SEPTIN7: variants seen among roughly 807,000 people sequenced by gnomAD.
The protein encoded by SEPTIN7 is septin 7, also known as septin-7.
SEPTIN7 carries 10 observed loss-of-function variants against 63.3 expected under a neutral mutation model. The observed-to-expected ratio is 0.16, with a 90% confidence interval of 0.10 to 0.27. The LOEUF is 0.27. Ranked by LOEUF, SEPTIN7 falls within the 10% of genes least tolerant of loss-of-function variation. The pLI is 1.00. For missense variants in SEPTIN7, 310 were observed against 521.0 expected, an observed-to-expected ratio of 0.59 and a Z score of 3.94; for synonymous variants, 131 against 165.3, an observed-to-expected ratio of 0.79 and a Z score of 1.59.
intron 3 of SEPTIN7, among the ~76,000 whole-genome samples, chr7:35,835,369 T>C (rs753740210): frequency 3.9e-5 from 6 of 152,202 alleles, no homozygotes; most frequent in Admixed American, 1.3e-4. Flanking sequence ...AGGTAATGTT[T>C]TCAGTACTTT....
intron 1 of SEPTIN7, among the ~76,000 whole-genome samples, chr7:35,811,463 A>C (rs186709452): frequency 2.1e-4 from 32 of 152,346 alleles, no homozygotes; most frequent in African/African-American, 7.2e-4. Context: ...CTTTCTAAAT[A>C]TATAGGTTGT....
intron 1 of SEPTIN7, among the ~76,000 whole-genome samples, chr7:35,814,651 C>G (rs1386066561): frequency 6.6e-6 from 1 of 152,094 alleles, no homozygotes; most frequent in African/African-American, 2.4e-5. Flanking sequence ...ACATGATTTT[C>G]TGTTTACATG....
intron 1 of SEPTIN7, among the ~76,000 whole-genome samples, chr7:35,809,884 T>C (rs1237281405): frequency 6.6e-6 from 1 of 152,148 alleles, no homozygotes; most frequent in Non-Finnish European, 1.5e-5. Flanking sequence ...AGGAGTTTAA[T>C]GTAGCAGTTT....
At chr7:35,813,442 C>T (rs1298668855) in intron 1 of SEPTIN7, among the ~76,000 whole-genome samples, 6 of 152,022 alleles carry the variant, frequency 3.9e-5, no homozygotes, top group African/African-American at 1.2e-4. Context: ...GTTGCAACCT[C>T]CACCTCCTGG....
intron 12 of SEPTIN7, chr7:35,899,719 TA>T: frequency 6.6e-6 from 1 of 152,030 alleles, no homozygotes; most frequent in Non-Finnish European, 1.5e-5. Context: ...CCAATCCCTA[TA>T]AAAAATTTTT....
At chr7:35,829,340 C>T (rs1284205386) in intron 1 of SEPTIN7, among the ~76,000 whole-genome samples, 1 of 151,892 alleles carries the variant, frequency 6.6e-6, no homozygotes, top group Non-Finnish European at 1.5e-5. Flanking sequence ...CGGGGTTTCA[C>T]CATGTTGCCC....
chr7:35,876,333 A>C (rs1562568281), intron 6 of SEPTIN7, among the ~76,000 whole-genome samples: 2 of 152,190 alleles, frequency 1.3e-5, no homozygotes, highest in Admixed American at 6.5e-5. Flanking sequence ...GGATTAACTG[A>C]ACTCTGCTTT....
At chr7:35,863,296 A>T (rs1371082246) in intron 3 of SEPTIN7, among the ~76,000 whole-genome samples, 8 of 152,188 alleles carry the variant, frequency 5.3e-5, no homozygotes, top group Non-Finnish European at 2.9e-5. Flanking sequence ...AATGTAGATT[A>T]TTAGATACAT....
chr7:35,908,236 G>A (rs1307311598), downstream of SEPTIN7, among the ~76,000 whole-genome samples: 1 of 152,266 alleles, frequency 6.6e-6, no homozygotes, highest in South Asian at 2.1e-4. Flanking sequence ...CCCATAATTT[G>A]GGATTCATCC....
chr7:35,849,747 C>T (rs1000921853), intron 3 of SEPTIN7, among the ~76,000 whole-genome samples: 1 of 152,190 alleles, frequency 6.6e-6, no homozygotes, highest in Non-Finnish European at 1.5e-5. Flanking sequence ...CACCATTTGG[C>T]TTCTCTCCTT....
rs566168486 is a variant in SEPTIN7 at position 35,847,115 on chromosome 7, CACA to C, written c.169+14216_169+14218del. On this transcript the variant is annotated intron_variant, in intron 3 of 13. Coordinates refer to ENST00000350320, the MANE Select transcript of SEPTIN7 (RefSeq NM_001788.6). ...CACTTACGGGAGTCTGCAGCTGTGA[CACA>C]TAGAAGTTGGCCGTGTCCAGATTGG... 232 of 184,844 alleles carry C rather than the reference CACA, an allele frequency of 1.3e-3. 1 individual carries two copies. Among genetic ancestry groups the C allele is most frequent in the African/African-American group, 4.9e-3 (207 of 42,674 alleles). 11.5% of individuals were successfully genotyped at this position (184,844 alleles called of 1,614,324 possible).
At chr7:35,853,732 T>A (rs1043102728) in intron 3 of SEPTIN7, among the ~76,000 whole-genome samples, 1 of 152,244 alleles carries the variant, frequency 6.6e-6, no homozygotes, top group Admixed American at 6.5e-5. Context: ...TTAAGTGTTA[T>A]TGTTAATGAA....
chr7:35,887,356 G>A (rs1787323756), intron 10 of SEPTIN7, among the ~76,000 whole-genome samples: 1 of 152,156 alleles, frequency 6.6e-6, no homozygotes, highest in Admixed American at 6.5e-5. Context: ...CTGAGCCAGA[G>A]GCTACTTTGT....
chr7:35,869,739 T>G (rs1037930064), intron 4 of SEPTIN7, among the ~76,000 whole-genome samples: 17 of 152,268 alleles, frequency 1.1e-4, no homozygotes, highest in Admixed American at 1.1e-3. Flanking sequence ...AGAAAATGAG[T>G]ACCTTGGATT....
intron 3 of SEPTIN7, among the ~76,000 whole-genome samples, chr7:35,863,060 TAGAA>T (rs1389490129): frequency 6.6e-6 from 1 of 152,230 alleles, no homozygotes; most frequent in African/African-American, 2.4e-5. Context: ...GTGGCTGAAT[TAGAA>T]AGTATGTTTT....
At chr7:35,880,223 C>CTTTTTTTTTTTTTTTTTTTTTGTTTTTTT in intron 7 of SEPTIN7, among the ~76,000 whole-genome samples, 1 of 72,776 alleles carries the variant, frequency 1.4e-5, no homozygotes, top group Non-Finnish European at 2.6e-5. Context: ...TTTTTCTTTT[C>CTTTTTTTTTTTTTTTTTTTTTGTTTTTTT]TTTTTTTTTT....
intron 3 of SEPTIN7, among the ~76,000 whole-genome samples, chr7:35,848,636 T>C (rs1248081414): frequency 6.6e-6 from 1 of 152,214 alleles, no homozygotes; most frequent in Non-Finnish European, 1.5e-5. Flanking sequence ...TCAACTGTTT[T>C]CAGTTTAGCA....
intron 11 of SEPTIN7, among the ~76,000 whole-genome samples, chr7:35,893,647 A>G (rs1479344555): frequency 6.6e-6 from 1 of 152,150 alleles, no homozygotes; most frequent in African/African-American, 2.4e-5. Context: ...AATTTATCTT[A>G]TATTTAATTT....
intron 1 of SEPTIN7, among the ~76,000 whole-genome samples, chr7:35,807,387 A>G (rs1583479975): frequency 1.4e-4 from 12 of 87,898 alleles, no homozygotes; most frequent in South Asian, 8.5e-4. Context: ...TTTTAGATGG[A>G]GTCTCTCTGT....
Sources: allele counts gnomAD v4.1 joint callset (sites outside exome capture counted in the v4.1 genomes callset), GRCh38; gene constraint gnomAD v4.1.1; transcripts MANE v1.5; gene names NCBI Gene and HGNC (gene_info 2026-07-23, HGNC 2026-07-21).